The following GABRB1 variants were observed in gnomAD, a reference collection of about 807,000 sequenced individuals.
The protein encoded by GABRB1 is gamma-aminobutyric acid type A receptor subunit beta1.
GABRB1 carries 17 observed loss-of-function variants against 51.6 expected under a neutral mutation model. The observed-to-expected ratio is 0.33, with a 90% CI of 0.23 to 0.49. The LOEUF is 0.49. GABRB1 is among the 20% of genes least tolerant of loss of function. The probability of loss-of-function intolerance (pLI) is 0.99; values close to 1 mark genes in which losing one functional copy is unlikely to be tolerated. For missense variants in GABRB1, 410 were observed against 600.6 expected, an observed-to-expected ratio of 0.68 and a Z score of 3.32; for synonymous variants, 247 against 218.9, an observed-to-expected ratio of 1.13 and a Z score of -1.14.
chr4:47,060,976 G>A (rs1015993994), intron 3 of GABRB1, among the ~76,000 whole-genome samples: 5 of 151,962 alleles, frequency 3.3e-5, no homozygotes, highest in African/African-American at 1.2e-4. Flanking sequence ...ATATCCCATG[G>A]TTACTCTACA....
At chr4:47,286,545 C>G (rs1323990007) in intron 4 of GABRB1, among the ~76,000 whole-genome samples, 2 of 151,940 alleles carry the variant, frequency 1.3e-5, no homozygotes, top group Non-Finnish European at 2.9e-5. Flanking sequence ...CTTCAAGTCC[C>G]CTAATGTAAT....
intron 8 of GABRB1, among the ~76,000 whole-genome samples, chr4:47,425,170 C>A (rs1312866844): frequency 1.3e-5 from 2 of 151,948 alleles, no homozygotes; most frequent in Non-Finnish European, 2.9e-5. Context: ...GAAAGATGCC[C>A]AGGCTGTATT....
intron 5 of GABRB1, among the ~76,000 whole-genome samples, chr4:47,399,026 G>A (rs1466349779): frequency 6.6e-6 from 1 of 152,152 alleles, no homozygotes; most frequent in Non-Finnish European, 1.5e-5. Flanking sequence ...TCCTGACCTC[G>A]TGATCCGCCC....
chr4:47,299,338 C>T (rs543737342), intron 4 of GABRB1, among the ~76,000 whole-genome samples: 46 of 152,260 alleles, frequency 3.0e-4, no homozygotes, highest in African/African-American at 7.9e-4. Context: ...GCAACCTACT[C>T]ATCTGACAAA....
chr4:47,206,810 C>G (rs1720141909), intron 4 of GABRB1, among the ~76,000 whole-genome samples: 1 of 151,074 alleles, frequency 6.6e-6, no homozygotes, highest in South Asian at 2.1e-4. Context: ...ATAATTTGTT[C>G]TCTAATAAAT....
At chr4:47,089,526 C>A (rs933813309) in intron 3 of GABRB1, among the ~76,000 whole-genome samples, 5 of 152,132 alleles carry the variant, frequency 3.3e-5, no homozygotes, top group Admixed American at 6.5e-5. Flanking sequence ...CTCTCTCTCT[C>A]CTCTCTCTAG....
chr4:47,015,845 C>A (rs940327588), intron 1 of GABRB1, among the ~76,000 whole-genome samples: 1 of 152,140 alleles, frequency 6.6e-6, no homozygotes, highest in African/African-American at 2.4e-5. Flanking sequence ...TTTTTGAGAT[C>A]CTACAGCATA....
At chr4:47,153,055 T>A (rs1717533734) in intron 3 of GABRB1, among the ~76,000 whole-genome samples, 1 of 151,970 alleles carries the variant, frequency 6.6e-6, no homozygotes, top group Non-Finnish European at 1.5e-5. Context: ...CGCACGGAGC[T>A]GGTTACACAG....
intron 4 of GABRB1, among the ~76,000 whole-genome samples, chr4:47,197,028 G>C (rs1006908900): frequency 8.5e-5 from 13 of 152,150 alleles, no homozygotes; most frequent in African/African-American, 3.1e-4. Context: ...ACTTGTGTTG[G>C]GTAGTAAATC....
intron 5 of GABRB1, among the ~76,000 whole-genome samples, chr4:47,372,082 A>C (rs1406279940): frequency 6.6e-6 from 1 of 152,204 alleles, no homozygotes; most frequent in Admixed American, 6.5e-5. Flanking sequence ...TTTTACTTCA[A>C]GTCTTTAATC....
intron 4 of GABRB1, among the ~76,000 whole-genome samples, chr4:47,257,110 T>C (rs1722242065): frequency 6.6e-6 from 1 of 152,136 alleles, no homozygotes; most frequent in Non-Finnish European, 1.5e-5. Flanking sequence ...TGGTAGAAGA[T>C]CAGACATAGG....
At chr4:47,110,401 T>C (rs182442860) in intron 3 of GABRB1, among the ~76,000 whole-genome samples, 65 of 152,336 alleles carry the variant, frequency 4.3e-4, no homozygotes, top group African/African-American at 1.5e-3. Flanking sequence ...TCTTTTCTTT[T>C]TGTTAATTGA....
At chr4:47,360,852 G>A (rs1357217431) in intron 5 of GABRB1, among the ~76,000 whole-genome samples, 2 of 151,856 alleles carry the variant, frequency 1.3e-5, no homozygotes, top group African/African-American at 4.8e-5. Flanking sequence ...TTCAAGTTGT[G>A]GTCAGAAATA....
chr4:47,074,243 C>A (rs974945531), intron 3 of GABRB1, among the ~76,000 whole-genome samples: 4 of 151,990 alleles, frequency 2.6e-5, no homozygotes, highest in Admixed American at 6.6e-5. Flanking sequence ...CAAAAAGGAA[C>A]CAAATTAAAG....
intron 4 of GABRB1, among the ~76,000 whole-genome samples, chr4:47,188,845 T>TAC (rs1719303950): frequency 6.6e-6 from 1 of 152,044 alleles, no homozygotes; most frequent in African/African-American, 2.4e-5. Context: ...AATCTGCTTT[T>TAC]GGTTTGGGCA....
At chr4:47,231,026 CAG>C (rs1721122650) in intron 4 of GABRB1, among the ~76,000 whole-genome samples, 2 of 152,188 alleles carry the variant, frequency 1.3e-5, no homozygotes, top group African/African-American at 4.8e-5. Flanking sequence ...CCTACTAGTT[CAG>C]TAAGAAAACA....
chr4:47,062,953 G>C (rs1019813489), intron 3 of GABRB1, among the ~76,000 whole-genome samples: 4 of 152,132 alleles, frequency 2.6e-5, no homozygotes, highest in Non-Finnish European at 4.4e-5. Context: ...TGAGTTTCCA[G>C]TTCTGCTACA....
chr4:47,173,975 T>C (rs1718549854), intron 4 of GABRB1, among the ~76,000 whole-genome samples: 1 of 152,150 alleles, frequency 6.6e-6, no homozygotes, highest in Non-Finnish European at 1.5e-5. Flanking sequence ...ACAACTATTG[T>C]TTTTCCTTCA....
chr4:47,173,103 T>C (rs1288317526), intron 4 of GABRB1, among the ~76,000 whole-genome samples: 3 of 152,166 alleles, frequency 2.0e-5, no homozygotes, highest in Non-Finnish European at 4.4e-5. Context: ...TAAATTCTAT[T>C]TTTTAATTAA....
Sources: allele counts gnomAD v4.1 joint callset (sites outside exome capture counted in the v4.1 genomes callset), GRCh38; gene constraint gnomAD v4.1.1; transcripts MANE v1.5; gene names NCBI Gene and HGNC (gene_info 2026-07-23, HGNC 2026-07-21).